The following VPS53 variants were observed in gnomAD, a reference collection of about 807,000 sequenced individuals.
VPS53 encodes VPS53 subunit of GARP complex.
Under a neutral mutation model 107.0 loss-of-function variants are expected in VPS53, and 70 were observed. The ratio of observed to expected loss-of-function variants is 0.65; its 90% CI spans 0.54 to 0.80. The LOEUF (loss-of-function observed/expected upper bound fraction) is 0.80, where lower values mean the gene tolerates loss of function less well. Among genes scored for constraint, VPS53 ranks in the 30% least tolerant of loss-of-function variants. VPS53 has a pLI of 0.00. For missense variants in VPS53, 917 were observed against 1,049.4 expected, an observed-to-expected ratio of 0.87 and a Z score of 1.74; for synonymous variants, 409 against 393.3, an observed-to-expected ratio of 1.04 and a Z score of -0.47.
At chr17:655,093 T>C (rs991067109) in intron 6 of VPS53, among the ~76,000 whole-genome samples, 1 of 152,200 alleles carries the variant, frequency 6.6e-6, no homozygotes, top group African/African-American at 2.4e-5. Context: ...TCAGTTTCTA[T>C]GACGATGCGC....
intron 12 of VPS53, among the ~76,000 whole-genome samples, chr17:591,145 G>C (rs1967623716): frequency 6.6e-6 from 1 of 152,210 alleles, no homozygotes; most frequent in African/African-American, 2.4e-5. Context: ...ATTTCTTCTA[G>C]ATTTTCTGGT....
intron 5 of VPS53, among the ~76,000 whole-genome samples, chr17:659,655 A>C (rs1971366635): frequency 6.6e-6 from 1 of 151,580 alleles, no homozygotes; most frequent in African/African-American, 2.4e-5. Context: ...ATCAAGTCCT[A>C]AATATTCTCC....
intron 4 of VPS53, among the ~76,000 whole-genome samples, chr17:685,354 C>A (rs1972548227): frequency 6.6e-6 from 1 of 152,214 alleles, no homozygotes; most frequent in South Asian, 2.1e-4. Flanking sequence ...TGGTTCAACA[C>A]AGAATTTTCT....
At chr17:700,348 G>A (rs1973150629) in intron 2 of VPS53, among the ~76,000 whole-genome samples, 1 of 151,798 alleles carries the variant, frequency 6.6e-6, no homozygotes, top group South Asian at 2.1e-4. Context: ...TTTGAGACCA[G>A]CCAGACCGTC....
chr17:521,874 A>C, intron 19 of VPS53, 136 bp from the exon 20 acceptor site: 1 of 1,046,902 alleles, frequency 9.6e-7, no homozygotes. Context: ...AATAAACAGA[A>C]ATATAAAAGA....
At chr17:694,420 A>C (rs1221198855) in intron 4 of VPS53, among the ~76,000 whole-genome samples, 2 of 152,176 alleles carry the variant, frequency 1.3e-5, no homozygotes, top group East Asian at 1.9e-4. Context: ...AAATAACTGA[A>C]AGATACACAT....
chr17:533,718 A>G (rs749942326), intron 18 of VPS53, among the ~76,000 whole-genome samples: 1 of 152,114 alleles, frequency 6.6e-6, no homozygotes, highest in East Asian at 1.9e-4. Context: ...TTACATGTCT[A>G]TTTTGCTTCA....
rs770394717 is a variant in VPS53 at position 661,857 on chromosome 17, A to G, written c.324T>C (p.Phe108=). Residue 108 remains phenylalanine, a synonymous_variant, in exon 5 of 22, where the codon TTT becomes TTC. Transcript: ENST00000437048. ...TGTCTTTGATATCTTTGATTTTGCC[A>G]AAGAGTTGTTGGATAGCTTTCTGAG... is the stretch of plus-strand genomic sequence containing the variant. ...EEAQKAIQQL[F]GKIKDIKDKA... 9.7e-6 allele frequency: 15 copies of G among 1,552,198 alleles called. No homozygotes were observed. The South Asian group carries it at 1.1e-4, about 11-fold the overall frequency.
chr17:525,882 A>C lies in VPS53; in HGVS notation c.2086-4144T>G, dbSNP rs897765635. ...TATGGTGGTGCACACCTGTAATCCCAGCTACTCGGGAGGCTGAGGCAGGAG... is the reference window on the plus strand; with the variant it reads ...TATGGTGGTGCACACCTGTAATCCCCGCTACTCGGGAGGCTGAGGCAGGAG... On this transcript the variant is annotated intron_variant, in intron 19 of 21. Transcript: ENST00000437048. Among the ~76,000 whole-genome samples, 8 of 151,282 alleles carry C rather than the reference A, an allele frequency of 5.3e-5. No individual in the cohort carries two copies. The South Asian group carries it at 1.7e-3, about 32-fold the overall frequency.
chr17:554,074 T>C (rs1034131561), intron 15 of VPS53, among the ~76,000 whole-genome samples: 28 of 152,174 alleles, frequency 1.8e-4, no homozygotes, highest in Admixed American at 5.9e-4. Flanking sequence ...AAGACGCTGA[T>C]TTTAAGATAC....
Position 707,006 on chromosome 17 carries a change from A to G in VPS53, c.168+3527T>C, listed in dbSNP as rs138311228. On this transcript the variant is annotated intron_variant, in intron 2 of 21. Transcript: ENST00000437048. ...TCATTATCCTGCCAAAAGTCCTTCA[A>G]TGAATACTCACTGCCTACAGCAGCA... Among the ~76,000 whole-genome samples the G allele has an allele frequency of 9.5e-4, 144 of 152,318 alleles. 2 individuals are homozygous for G. Among genetic ancestry groups the G allele is most frequent in the African/African-American group, 3.4e-3 (140 of 41,572 alleles).
At chr17:618,304 C>T (rs1297175755) in intron 11 of VPS53, among the ~76,000 whole-genome samples, 3 of 95,402 alleles carry the variant, frequency 3.1e-5, no homozygotes, top group Admixed American at 1.0e-4. Context: ...GCGTGCGCCA[C>T]CACGCCCCAC....
intron 13 of VPS53, among the ~76,000 whole-genome samples, chr17:576,653 T>C (rs1244275344): frequency 1.3e-5 from 2 of 150,144 alleles, no homozygotes; most frequent in Non-Finnish European, 3.0e-5. Context: ...CAGAATCTAA[T>C]GCGTTCCCAG....
intron 4 of VPS53, among the ~76,000 whole-genome samples, chr17:682,094 T>TA (rs1457504559): frequency 4.6e-5 from 7 of 152,234 alleles, no homozygotes; most frequent in Non-Finnish European, 1.0e-4. Flanking sequence ...ACCCATTTCT[T>TA]AGTCTATTCA....
intron 6 of VPS53, among the ~76,000 whole-genome samples, chr17:654,509 C>A (rs370793243): frequency 6.6e-6 from 1 of 151,894 alleles, no homozygotes; most frequent in Middle Eastern, 3.2e-3. Flanking sequence ...GAGGCCGAGG[C>A]GGGCAGATCA....
At chr17:596,612 A>C (rs531160547) in intron 12 of VPS53, among the ~76,000 whole-genome samples, 1 of 152,312 alleles carries the variant, frequency 6.6e-6, no homozygotes, top group African/African-American at 2.4e-5. Flanking sequence ...GAGAGGAATA[A>C]TGGGAGAGAC....
rs189577165 is a variant in VPS53 at position 542,412 on chromosome 17, C to T, written c.1867-5236G>A. Among the ~76,000 whole-genome samples the T allele has an allele frequency of 5.4e-3, 827 of 152,286 alleles. 24 individuals carry two copies. The highest frequency in any genetic ancestry group is 0.051 in the Admixed American group (774 of 15,274). ...TAAAGGGGTGACCGGGACAAGTCATCTAATTTCTCTGAGCCTCAGTATTCT... is the reference window on the plus strand; with the variant it reads ...TAAAGGGGTGACCGGGACAAGTCATTTAATTTCTCTGAGCCTCAGTATTCT... On this transcript the variant is annotated intron_variant, in intron 17 of 21. Transcript: ENST00000437048.
intron 4 of VPS53, among the ~76,000 whole-genome samples, chr17:683,910 CTAAT>C (rs1275137532): frequency 1.4e-4 from 22 of 152,248 alleles, no homozygotes; most frequent in African/African-American, 2.6e-4. Context: ...TTTAATTACT[CTAAT>C]TAGCAAAAAT....
intron 2 of VPS53, among the ~76,000 whole-genome samples, chr17:701,677 A>C (rs1433146003): frequency 6.6e-6 from 1 of 151,890 alleles, no homozygotes; most frequent in East Asian, 1.9e-4. Flanking sequence ...CGCCTGGCCA[A>C]GAGGAAAACA....
Sources: gnomAD v4.1 joint callset for allele counts (sites outside exome capture counted in the v4.1 genomes callset) on GRCh38, gnomAD v4.1.1 for gene constraint, MANE v1.5 for transcripts, NCBI Gene and HGNC (gene_info 2026-07-23, HGNC 2026-07-21) for gene names.